SLC4A10: variants seen among roughly 807,000 people sequenced by gnomAD.
SLC4A10 encodes solute carrier family 4 member 10, also known as sodium-driven chloride bicarbonate exchanger.
SLC4A10 carries 42 observed loss-of-function variants against 137.7 expected under a neutral mutation model. That is an observed-to-expected ratio of 0.30 (90% CI 0.24 to 0.39). SLC4A10 has a LOEUF of 0.39. Among genes scored for constraint, SLC4A10 ranks in the 10% least tolerant of loss-of-function variants. SLC4A10 has a pLI of 1.00. For missense variants in SLC4A10, 925 were observed against 1,355.0 expected, an observed-to-expected ratio of 0.68 and a Z score of 4.98; for synonymous variants, 474 against 464.1, an observed-to-expected ratio of 1.02 and a Z score of -0.27.
rs139631187 is a variant in SLC4A10 at position 161,859,276 on chromosome 2, T to TTTTTCTTTTCTTTTCTTTTCTTTTC, written c.578-3574_578-3573insCTTTTCTTTTCTTTTCTTTTCTTTT. Among the ~76,000 whole-genome samples the TTTTTCTTTTCTTTTCTTTTCTTTTC allele has an allele frequency of 2.5e-4, 36 of 144,536 alleles. No homozygotes were observed. In the South Asian group the frequency reaches 3.0e-3, roughly 12 times the overall value. The allele number at this position is 144,536 out of a possible 152,430, so 94.8% of individuals were successfully genotyped here. A position where few individuals can be genotyped will look rare whatever the true frequency, so the allele number is the denominator to read the frequency against. ...GGCCTTTTTCCACAAGTGCTACTAG[T>TTTTTCTTTTCTTTTCTTTTCTTTTC]TTTTCTTTTCTTTTCTTTTCTTTTT... On this transcript the variant is annotated intron_variant, in intron 5 of 26. Transcript: ENST00000446997.
At chr2:161,756,272 T>C (rs1252241194) in intron 1 of SLC4A10, among the ~76,000 whole-genome samples, 3 of 152,186 alleles carry the variant, frequency 2.0e-5, no homozygotes, top group Admixed American at 1.3e-4. Flanking sequence ...TTTATATTAG[T>C]GAGAAATTAC....
At chr2:161,635,598 C>T (rs1574010055) in intron 1 of SLC4A10, among the ~76,000 whole-genome samples, 1 of 152,098 alleles carries the variant, frequency 6.6e-6, no homozygotes. Context: ...TTTTGCAATT[C>T]ATCAAAGAAA....
At chr2:161,952,627 T>G (rs868504663) in intron 19 of SLC4A10, among the ~76,000 whole-genome samples, 14 of 152,218 alleles carry the variant, frequency 9.2e-5, no homozygotes, top group Middle Eastern at 3.2e-3. Context: ...TCATAAACTC[T>G]GCTATATGGC....
chr2:161,936,225 G>A (rs1691555417), intron 15 of SLC4A10, among the ~76,000 whole-genome samples: 1 of 152,006 alleles, frequency 6.6e-6, no homozygotes, highest in Non-Finnish European at 1.5e-5. Flanking sequence ...TGTTCATCAG[G>A]GATATTGACC....
intron 1 of SLC4A10, among the ~76,000 whole-genome samples, chr2:161,629,333 T>A (rs1370980529): frequency 6.6e-6 from 1 of 151,862 alleles, no homozygotes; most frequent in Non-Finnish European, 1.5e-5. Context: ...TACTTTTTTT[T>A]TTTTTTAGAA....
intron 1 of SLC4A10, among the ~76,000 whole-genome samples, chr2:161,628,899 A>G (rs2032988826): frequency 6.6e-6 from 1 of 152,058 alleles, no homozygotes; most frequent in South Asian, 2.1e-4. Flanking sequence ...GGGCTAGTTT[A>G]TGATGAAGAG....
At chr2:161,917,837 A>G (rs1687410315) in intron 15 of SLC4A10, among the ~76,000 whole-genome samples, 1 of 152,176 alleles carries the variant, frequency 6.6e-6, no homozygotes, top group Admixed American at 6.5e-5. Flanking sequence ...GCCCAGATCA[A>G]TTCCTGGCAC....
At chr2:161,793,351 A>G (rs1265382293) in intron 2 of SLC4A10, among the ~76,000 whole-genome samples, 1 of 152,136 alleles carries the variant, frequency 6.6e-6, no homozygotes. Flanking sequence ...GTTATTAACT[A>G]TTGTCACTAT....
chr2:161,773,917 C>T (rs1221287755), intron 2 of SLC4A10, among the ~76,000 whole-genome samples: 3 of 151,686 alleles, frequency 2.0e-5, no homozygotes, highest in African/African-American at 7.2e-5. Context: ...ATCATGCGGT[C>T]GGTACATTCT....
At chr2:161,846,664 A>G (rs373267449) in intron 4 of SLC4A10, among the ~76,000 whole-genome samples, 1 of 152,222 alleles carries the variant, frequency 6.6e-6, no homozygotes, top group South Asian at 2.1e-4. Context: ...AACTACTGAT[A>G]CACACAATAA....
At chr2:161,667,234 T>A (rs72875504) in intron 1 of SLC4A10, among the ~76,000 whole-genome samples, 493 of 151,690 alleles carry the variant, frequency 3.3e-3, no homozygotes, top group Non-Finnish European at 5.9e-3. Context: ...CAAAGAGAAA[T>A]ATGAATAAAT....
chr2:161,890,358 CT>C (rs2062784043), intron 10 of SLC4A10, among the ~76,000 whole-genome samples: 1 of 152,086 alleles, frequency 6.6e-6, no homozygotes, highest in Non-Finnish European at 1.5e-5. Context: ...ATTTTTCTGT[CT>C]CGTTGATCGG....
At chr2:161,889,601 T>G (rs957040169) in intron 10 of SLC4A10, among the ~76,000 whole-genome samples, 11 of 152,200 alleles carry the variant, frequency 7.2e-5, no homozygotes, top group African/African-American at 2.7e-4. Context: ...TGATGGCAGT[T>G]TGTATTTCTG....
intron 24 of SLC4A10, 111 bp from the exon 25 acceptor site, chr2:161,976,649 G>GA (rs1699424556): frequency 5.8e-6 from 3 of 514,184 alleles, no homozygotes; most frequent in East Asian, 6.5e-5. Context: ...TAAAAATTGG[G>GA]AAAAATATTC....
At chr2:161,791,556 C>A (rs1010005643) in intron 2 of SLC4A10, among the ~76,000 whole-genome samples, 2 of 152,094 alleles carry the variant, frequency 1.3e-5, no homozygotes, top group African/African-American at 4.8e-5. Context: ...ATCTGTGCAG[C>A]AAACCACCGT....
intron 1 of SLC4A10, among the ~76,000 whole-genome samples, chr2:161,627,440 A>C (rs907632079): frequency 9.2e-5 from 14 of 152,156 alleles, no homozygotes; most frequent in Non-Finnish European, 1.9e-4. Flanking sequence ...GTAGAAAGAT[A>C]GGGAAGTGAA....
chr2:161,626,358 T>C (rs552331404), intron 1 of SLC4A10, among the ~76,000 whole-genome samples: 2 of 152,256 alleles, frequency 1.3e-5, no homozygotes, highest in South Asian at 4.2e-4. Flanking sequence ...GCAACCAATT[T>C]ATAGCTTAAA....
chr2:161,857,986 A>T (rs950692242), intron 5 of SLC4A10, among the ~76,000 whole-genome samples: 2 of 152,182 alleles, frequency 1.3e-5, no homozygotes, highest in African/African-American at 4.8e-5. Context: ...TGCTAGGATT[A>T]CAGGCATGAG....
chr2:161,968,593 C>T (rs1295050085), intron 23 of SLC4A10, among the ~76,000 whole-genome samples: 1 of 152,080 alleles, frequency 6.6e-6, no homozygotes, highest in Non-Finnish European at 1.5e-5. Flanking sequence ...CTTAAAATCT[C>T]AGATGGGTTA....
Sources: gnomAD v4.1 joint callset for allele counts (sites outside exome capture counted in the v4.1 genomes callset) on GRCh38, gnomAD v4.1.1 for gene constraint, MANE v1.5 for transcripts, NCBI Gene and HGNC (gene_info 2026-07-23, HGNC 2026-07-21) for gene names.